Variants in COQ5 observed in about 807,000 individuals in gnomAD.
COQ5 encodes the protein coenzyme Q5, methyltransferase.
Under a neutral mutation model 40.5 loss-of-function variants are expected in COQ5, and 27 were observed. The observed-to-expected ratio is 0.67, with a 90% confidence interval of 0.49 to 0.92. The LOEUF is 0.92. COQ5 is among the 40% of genes least tolerant of loss of function. The probability of loss-of-function intolerance (pLI) is 0.00; values close to 1 mark genes in which losing one functional copy is unlikely to be tolerated. For missense variants in COQ5, 409 were observed against 406.4 expected (o/e 1.01, Z -0.06); for synonymous variants, 141 against 150.0 (o/e 0.94, Z 0.44).
intron 2 of COQ5, among the ~76,000 whole-genome samples, 180 bp downstream of exon 2, chr12:120,522,034 T>C (rs1869685823): frequency 6.6e-6 from 1 of 152,166 alleles, no homozygotes; most frequent in Non-Finnish European, 1.5e-5. Flanking sequence ...ACTGTTATTC[T>C]ATGCTTTTGA....
intron 1 of COQ5, among the ~76,000 whole-genome samples, chr12:120,525,260 T>TG (rs2137094207): frequency 6.6e-6 from 1 of 152,124 alleles, no homozygotes; most frequent in East Asian, 1.9e-4. Context: ...CCACCATGCC[T>TG]GGCTAATTTT....
chr12:120,504,577 C>A, intron 5 of COQ5: 2 of 330,328 alleles, frequency 6.1e-6, no homozygotes, highest in Non-Finnish European at 5.8e-6. Context: ...TTTTTTAAGC[C>A]AGTCAAATTT....
intron 2 of COQ5, 109 bp from the exon 3 acceptor site, chr12:120,516,897 G>A (rs891286815): frequency 3.2e-6 from 3 of 930,832 alleles, no homozygotes; most frequent in Non-Finnish European, 5.3e-6. Flanking sequence ...GAGTACCTGT[G>A]TTAGCTAACT....
intron 2 of COQ5, among the ~76,000 whole-genome samples, chr12:120,521,345 G>A (rs1238434774): frequency 2.6e-5 from 4 of 152,046 alleles, no homozygotes; most frequent in Non-Finnish European, 5.9e-5. Flanking sequence ...GGGAGTACAG[G>A]TGTGAGCCGC....
In COQ5 at chr12:120,504,001, A is replaced by G; in HGVS notation, c.851T>C (p.Leu284Pro). The change falls in exon 6 of 7, where the codon CTT becomes CCT. Residue 284 changes from leucine (L) to proline (P), a missense_variant. Physicochemically the swap from Leu to Pro is moderately conservative, Grantham distance 98. Transcript: ENST00000288532. ...CGGAAACCTTCGGATACTCTCTACA[A>G]GGTACTGATAGGACTTCCAGTCTCC... ...IAGDWKSYQY[L>P]VESIRRFPSQ... is the part of the protein sequence containing the mutation. 1 of 1,613,404 alleles carries G rather than the reference A, an allele frequency of 6.2e-7. No individual in the cohort carries two copies. Among genetic ancestry groups the G allele is most frequent in the East Asian group, 2.2e-5 (1 of 44,886 alleles).
chr12:120,528,973 C>G lies in COQ5; in HGVS notation c.169G>C (p.Glu57Gln). 6.2e-7 allele frequency: 1 copy of G among 1,614,162 alleles called. No individual in the cohort carries two copies. Among genetic ancestry groups the G allele is most frequent in the Non-Finnish European group, 8.5e-7 (1 of 1,180,038 alleles). The change falls in exon 1 of 7, where the codon GAG (glutamate) becomes CAG (glutamine). Residue 57 changes from glutamate to glutamine, a missense_variant. Transcript: ENST00000288532. ...CCCTTCTCCTCTTCCGACACAGTCT[C>G]AAACCCAAAGTGCGTTTCCGCTGCC... ...KRAAETHFGF[E>Q]TVSEEEKGGK...
At chr12:120,519,841 G>A in intron 2 of COQ5, among the ~76,000 whole-genome samples, 1 of 142,572 alleles carries the variant, frequency 7.0e-6, no homozygotes, top group Non-Finnish European at 1.5e-5. Context: ...TTGCACTTCA[G>A]CCTGGGCAAC....
At chr12:120,522,193 G>A in intron 2 of COQ5, 21 bp downstream of exon 2, 1 of 1,613,924 alleles carries the variant, frequency 6.2e-7, no homozygotes, top group Non-Finnish European at 8.5e-7. Flanking sequence ...TGGTAGTGAA[G>A]GATACCAAAC....
intron 5 of COQ5, 55 bp downstream of exon 5, chr12:120,504,840 G>C (rs944646160): frequency 1.4e-6 from 2 of 1,430,532 alleles, no homozygotes; most frequent in East Asian, 4.5e-5. Context: ...AATCCATTTC[G>C]GGGTGGGAAA....
intron 1 of COQ5, 87 bp downstream of exon 1, chr12:120,528,853 T>C (rs749756705): frequency 9.0e-5 from 108 of 1,206,690 alleles, no homozygotes; most frequent in African/African-American, 1.5e-4. Context: ...CTGGAACTAA[T>C]TGGATGTTAA....
chr12:120,526,357 G>A (rs1869943558), intron 1 of COQ5: 1 of 389,848 alleles, frequency 2.6e-6, no homozygotes, highest in Non-Finnish European at 5.1e-6. Flanking sequence ...AGTGTCAGTG[G>A]AGTTATAGGA....
At position 120,516,915 on chromosome 12, in the gene COQ5, G is replaced by A. The variant is rs1008391399; in HGVS notation, c.353-127C>T. The A allele has an allele frequency of 8.4e-6, 7 of 831,220 alleles. 1 individual carries two copies. The highest frequency in any genetic ancestry group is 2.7e-5 in the South Asian group (2 of 73,132). The allele number at this position is 831,220 out of a possible 1,614,324, so 51.5% of individuals were successfully genotyped here. The stretch of plus-strand genomic sequence containing the variant: ...TACCTGTGTTAGCTAACTGGATGCA[G>A]TGTGGCTGAAAGCCAAGTCCTTTCT... On this transcript the variant is annotated intron_variant, in intron 2 of 6. Transcript: ENST00000288532.
chr12:120,524,291 C>T (rs11829765), intron 1 of COQ5, among the ~76,000 whole-genome samples: 24,790 of 151,434 alleles, frequency 0.16, 2,598 homozygotes, highest in African/African-American at 0.3. Context: ...GACGGAGTCT[C>T]GCTCTGTCGC....
At chr12:120,523,368 G>T in intron 1 of COQ5, 1 of 355,200 alleles carries the variant, frequency 2.8e-6, no homozygotes, top group South Asian at 2.6e-5. Flanking sequence ...ATATCTTTGT[G>T]ATCGGGGTTT....
At position 120,529,023 on chromosome 12, in the gene COQ5, G is replaced by A. The variant is rs909420689; in HGVS notation, c.119C>T (p.Ala40Val). 1 of 1,614,094 alleles carries A rather than the reference G, an allele frequency of 6.2e-7. No homozygotes were observed. The highest frequency in any genetic ancestry group is 1.7e-5 in the Admixed American group (1 of 60,004). Reference protein sequence around the residue: ...RSSWPGDLLSARLLSQEKRAA... With the variant: ...RSSWPGDLLSVRLLSQEKRAA... ...CCGCTTCTCTTGGGACAAGAGCCGA[G>A]CACTTAGTAGGTCCCCGGGCCAAGA... is the stretch of plus-strand genomic sequence containing the variant. The change falls in exon 1 of 7, where the codon GCT becomes GTT. Residue 40 changes from alanine to valine, a missense_variant. Coordinates refer to ENST00000288532, the MANE Select transcript of COQ5 (RefSeq NM_032314.4).
chr12:120,528,986 CG>C lies in COQ5; in HGVS notation c.155del (p.Thr52SerfsTer30). On this transcript the variant is annotated frameshift_variant, in exon 1 of 7. Coordinates refer to ENST00000288532, the MANE Select transcript of COQ5 (RefSeq NM_032314.4). LOFTEE classifies it high-confidence loss of function. ...LLSQEKRAAE[T>X]HFGFETVSEE... ...CCGACACAGTCTCAAACCCAAAGTGCGTTTCCGCTGCCCGCTTCTCTTGGGA... is the reference window on the plus strand; with the variant it reads ...CCGACACAGTCTCAAACCCAAAGTGCTTTCCGCTGCCCGCTTCTCTTGGGA... The C allele has an allele frequency of 6.2e-7, 1 of 1,614,130 alleles. No individual in the cohort carries two copies. The highest frequency in any genetic ancestry group is 8.5e-7 in the Non-Finnish European group (1 of 1,180,014).
chr12:120,509,755 TA>T (rs1005326800), intron 4 of COQ5: 1,829 of 395,694 alleles, frequency 4.6e-3, no homozygotes, highest in Middle Eastern at 0.013. Context: ...TTTTTAAGAT[TA>T]AAAAAAAAAT....
In COQ5 at chr12:120,503,738, C is replaced by T. The variant is rs766122779; in HGVS notation, c.*46G>A. 6 of 1,421,636 alleles carry T rather than the reference C, an allele frequency of 4.2e-6. No individual in the cohort carries two copies. The Admixed American group carries it at 1.0e-4, about 24-fold the overall frequency. 88.1% of individuals were successfully genotyped at this position (1,421,636 alleles called of 1,614,324 possible). A position where few individuals can be genotyped will look rare whatever the true frequency, so the allele number is the denominator to read the frequency against. ...TGCCAGATTATCCTTCAGTTCCAGGCTTTCAACAGGATATGACTGGTTCAT... is the reference window on the plus strand; with the variant it reads ...TGCCAGATTATCCTTCAGTTCCAGGTTTTCAACAGGATATGACTGGTTCAT... On this transcript the variant is annotated 3_prime_UTR_variant, in exon 7 of 7. Transcript: ENST00000288532.
intron 1 of COQ5, among the ~76,000 whole-genome samples, chr12:120,525,667 A>G (rs1869900050): frequency 1.3e-5 from 2 of 152,058 alleles, no homozygotes; most frequent in South Asian, 2.1e-4. Flanking sequence ...GCTCATGCCT[A>G]TAATCCCAGA....
Sources: allele counts gnomAD v4.1 joint callset (sites outside exome capture counted in the v4.1 genomes callset), GRCh38; gene constraint gnomAD v4.1.1; transcripts MANE v1.5; gene names NCBI Gene and HGNC (gene_info 2026-07-23, HGNC 2026-07-21).